SDK1: variants seen among roughly 807,000 people sequenced by gnomAD.
SDK1 encodes the protein protein sidekick-1.
Under a neutral mutation model 245.5 loss-of-function variants are expected in SDK1, and 157 were observed. The ratio of observed to expected loss-of-function variants is 0.64; its 90% CI spans 0.56 to 0.73. SDK1 has a LOEUF of 0.73. Ranked by LOEUF, SDK1 falls within the 30% of genes least tolerant of loss-of-function variation. The probability of loss-of-function intolerance (pLI) is 0.00; values close to 1 mark genes in which losing one functional copy is unlikely to be tolerated. For missense variants in SDK1, 3,583 were observed against 3,002.3 expected, an observed-to-expected ratio of 1.19 and a Z score of -4.52; for synonymous variants, 1,647 against 1,278.5, an observed-to-expected ratio of 1.29 and a Z score of -6.15.
At chr7:3,772,284 A>T (rs1264552958) in intron 4 of SDK1, among the ~76,000 whole-genome samples, 3 of 149,828 alleles carry the variant, frequency 2.0e-5, no homozygotes, top group African/African-American at 2.5e-5. Context: ...TTTTTCTTGT[A>T]GTTACTATGC....
chr7:3,605,252 A>G (rs1373999133), intron 1 of SDK1, among the ~76,000 whole-genome samples: 2 of 152,202 alleles, frequency 1.3e-5, no homozygotes, highest in South Asian at 4.1e-4. Flanking sequence ...CCAAAGGGAT[A>G]TATTGTGGAA....
intron 1 of SDK1, among the ~76,000 whole-genome samples, chr7:3,430,261 C>T (rs1164601355): frequency 1.3e-5 from 2 of 152,104 alleles, no homozygotes; most frequent in African/African-American, 2.4e-5. Context: ...GGTGCAGTTT[C>T]TCTGACCATA....
intron 44 of SDK1, among the ~76,000 whole-genome samples, chr7:4,252,795 C>T (rs1030540217): frequency 1.4e-5 from 2 of 147,632 alleles, no homozygotes; most frequent in Admixed American, 6.7e-5. Flanking sequence ...CTAGTTCTAT[C>T]TGTTTATTGG....
intron 1 of SDK1, among the ~76,000 whole-genome samples, chr7:3,309,298 T>G (rs73286356): frequency 0.019 from 2,947 of 152,030 alleles, 98 homozygotes; most frequent in African/African-American, 0.068. Flanking sequence ...GTGTTGATTT[T>G]TATACACAAA....
intron 4 of SDK1, among the ~76,000 whole-genome samples, chr7:3,707,446 A>G (rs757286294): frequency 1.3e-5 from 2 of 152,214 alleles, no homozygotes; most frequent in African/African-American, 4.8e-5. Context: ...TAAAACATTT[A>G]TCGAGACTTG....
At chr7:3,378,560 G>T (rs1781408263) in intron 1 of SDK1, among the ~76,000 whole-genome samples, 1 of 152,228 alleles carries the variant, frequency 6.6e-6, no homozygotes, top group South Asian at 2.1e-4. Context: ...GATCCAGGCT[G>T]TGACTCCAAA....
intron 4 of SDK1, among the ~76,000 whole-genome samples, chr7:3,768,528 G>C (rs1780320552): frequency 6.6e-6 from 1 of 152,230 alleles, no homozygotes; most frequent in Non-Finnish European, 1.5e-5. Flanking sequence ...GACTGTGTCT[G>C]ATAATCTGAA....
chr7:4,148,555 G>A (rs1780143722), intron 29 of SDK1, among the ~76,000 whole-genome samples: 1 of 152,194 alleles, frequency 6.6e-6, no homozygotes, highest in Admixed American at 6.5e-5. Context: ...CTGCAAGAAG[G>A]AGGAAATTCA....
At chr7:3,982,906 G>A (rs1041426467) in intron 13 of SDK1, among the ~76,000 whole-genome samples, 5 of 152,134 alleles carry the variant, frequency 3.3e-5, no homozygotes, top group African/African-American at 1.2e-4. Flanking sequence ...AACAGGAGTT[G>A]GGAAGAAGTT....
rs1779354802 is a variant in SDK1 at position 3,304,136 on chromosome 7, A to G, written c.298+2252A>G. 2.6e-5 allele frequency among the ~76,000 whole-genome samples: 4 copies of G among 152,236 alleles called. No individual in the cohort carries two copies. The South Asian group carries it at 6.2e-4, about 24-fold the overall frequency. On this transcript the variant is annotated intron_variant, in intron 1 of 44. Transcript: ENST00000404826. ...CTCTATGTAACTGATCATGATGGGA[A>G]CCGCCAGGTTCAGGTCTTCCAAATG...
chr7:3,318,406 T>A (rs1442684421), intron 1 of SDK1, among the ~76,000 whole-genome samples: 3 of 152,242 alleles, frequency 2.0e-5, no homozygotes, highest in Non-Finnish European at 4.4e-5. Flanking sequence ...AATCTCTCTC[T>A]CACAAGGTTT....
chr7:3,685,839 A>C, intron 4 of SDK1, among the ~76,000 whole-genome samples: 1 of 152,144 alleles, frequency 6.6e-6, no homozygotes, highest in South Asian at 2.1e-4. Context: ...ATAGGAAGAT[A>C]AGAAAAGAGA....
At chr7:3,401,068 T>C (rs1319438737) in intron 1 of SDK1, among the ~76,000 whole-genome samples, 1 of 152,178 alleles carries the variant, frequency 6.6e-6, no homozygotes, top group Non-Finnish European at 1.5e-5. Context: ...CGCAGCCTCA[T>C]AGCCCTCAGC....
chr7:3,379,960 G>GCT (rs1051998001), intron 1 of SDK1, among the ~76,000 whole-genome samples: 5 of 152,096 alleles, frequency 3.3e-5, no homozygotes, highest in African/African-American at 1.2e-4. Context: ...AAATCCAAAG[G>GCT]CTCTCTGGTC....
chr7:3,841,568 TTTTTC>T (rs1780159208), intron 5 of SDK1, among the ~76,000 whole-genome samples: 1 of 148,432 alleles, frequency 6.7e-6, no homozygotes, highest in Middle Eastern at 3.2e-3. Flanking sequence ...TTTTTTTCTC[TTTTTC>T]TTTTTTTTTT....
chr7:3,325,867 C>T (rs1183161727), intron 1 of SDK1, among the ~76,000 whole-genome samples: 1 of 151,938 alleles, frequency 6.6e-6, no homozygotes, highest in Non-Finnish European at 1.5e-5. Context: ...AAGTGGCATG[C>T]TTTTAGAAAC....
At chr7:3,677,464 C>A (rs1783940502) in intron 4 of SDK1, among the ~76,000 whole-genome samples, 5 of 152,164 alleles carry the variant, frequency 3.3e-5, no homozygotes, top group African/African-American at 1.2e-4. Flanking sequence ...TACATGCTGG[C>A]AGACAAGAGA....
chr7:3,479,421 CAAAAAAAAAAA>C (rs56094646), intron 1 of SDK1, among the ~76,000 whole-genome samples: 1 of 66,574 alleles, frequency 1.5e-5, no homozygotes. Flanking sequence ...GACTGTGTCT[CAAAAAAAAAAA>C]AAAAAAAAAA....
At chr7:3,979,845 T>C (rs1426277242) in intron 13 of SDK1, among the ~76,000 whole-genome samples, 1 of 152,186 alleles carries the variant, frequency 6.6e-6, no homozygotes, top group Non-Finnish European at 1.5e-5. Context: ...GATTGATTAA[T>C]TGTTAAATCA....
Sources: allele counts gnomAD v4.1 joint callset (sites outside exome capture counted in the v4.1 genomes callset), GRCh38; gene constraint gnomAD v4.1.1; transcripts MANE v1.5; gene names NCBI Gene and HGNC (gene_info 2026-07-23, HGNC 2026-07-21).